Variants in LDLRAD3 observed in about 807,000 individuals in gnomAD.
The protein encoded by LDLRAD3 is low-density lipoprotein receptor class A domain-containing protein 3.
Under a neutral mutation model 29.4 loss-of-function variants are expected in LDLRAD3, and 20 were observed. The ratio of observed to expected loss-of-function variants is 0.68; its 90% confidence interval spans 0.48 to 0.99. The LOEUF (loss-of-function observed/expected upper bound fraction) is 0.99. Among genes scored for constraint, LDLRAD3 ranks in the 50% least tolerant of loss-of-function variants. The pLI is 0.00. For missense variants in LDLRAD3, 420 were observed against 454.3 expected, an observed-to-expected ratio of 0.92 and a Z score of 0.69; for synonymous variants, 157 against 192.7, an observed-to-expected ratio of 0.81 and a Z score of 1.53.
chr11:36,027,530 T>A (rs1209701045), intron 1 of LDLRAD3, among the ~76,000 whole-genome samples: 1 of 152,232 alleles, frequency 6.6e-6, no homozygotes, highest in Non-Finnish European at 1.5e-5. Flanking sequence ...CTCCTTTGAG[T>A]CTTATTTAAG....
chr11:36,048,177 A>T (rs771836719), intron 2 of LDLRAD3, among the ~76,000 whole-genome samples: 18 of 152,180 alleles, frequency 1.2e-4, no homozygotes, highest in Non-Finnish European at 2.5e-4. Context: ...CTCCTTTCTA[A>T]CAGGTGACAG....
At chr11:36,037,419 G>A (rs1412921121) in intron 2 of LDLRAD3, among the ~76,000 whole-genome samples, 2 of 152,114 alleles carry the variant, frequency 1.3e-5, no homozygotes, top group South Asian at 4.1e-4. Flanking sequence ...GGGTTCAAGC[G>A]ATTCTCCTGC....
At position 36,214,210 on chromosome 11, in the gene LDLRAD3, G is replaced by C. The variant is rs117139878; in HGVS notation, c.455-12875G>C. On this transcript the variant is annotated intron_variant, in intron 4 of 5. Transcript: ENST00000315571. ...AGAGGAGAGTGGGGAGAAAGTGGGG[G>C]TGAAGAGCTTTGACCTTCATGATGA... 9.3e-4 allele frequency among the ~76,000 whole-genome samples: 142 copies of C among 152,308 alleles called. 1 individual carries two copies. In the East Asian group the frequency reaches 0.025, roughly 27 times the overall value.
chr11:36,170,689 A>G (rs746551062), intron 4 of LDLRAD3, among the ~76,000 whole-genome samples: 39 of 152,026 alleles, frequency 2.6e-4, no homozygotes, highest in Non-Finnish European at 3.2e-4. Context: ...TGTTTTAATG[A>G]TGGCCATTCT....
At chr11:36,150,377 A>T (rs1854260439) in intron 4 of LDLRAD3, among the ~76,000 whole-genome samples, 1 of 152,116 alleles carries the variant, frequency 6.6e-6, no homozygotes, top group South Asian at 2.1e-4. Context: ...AAAAATTAAA[A>T]ATTAGCCAGG....
chr11:35,973,449 G>A (rs1450770320), intron 1 of LDLRAD3, among the ~76,000 whole-genome samples: 1 of 151,896 alleles, frequency 6.6e-6, no homozygotes, highest in Non-Finnish European at 1.5e-5. Context: ...GTTTGTAGGT[G>A]TTTTGTTTGT....
chr11:36,159,600 A>G (rs550347646), intron 4 of LDLRAD3, among the ~76,000 whole-genome samples: 215 of 100,242 alleles, frequency 2.1e-3, no homozygotes, highest in African/African-American at 8.2e-3. Context: ...CTTTACAGAA[A>G]CTAAAAAAAA....
rs937408839 is a variant in LDLRAD3, at chr11:36,231,025, G to A, written c.*1628G>A. On this transcript the variant is annotated 3_prime_UTR_variant, in exon 6 of 6. Transcript: ENST00000315571. The stretch of plus-strand genomic sequence containing the variant: ...GCAGGAATAAGGGGTAAAACGTTAG[G>A]TGTTGTTTGGCAAGAAACCACACTG... 3 of 152,568 alleles carry A rather than the reference G, an allele frequency of 2.0e-5. No homozygotes were observed. The highest frequency in any genetic ancestry group is 6.5e-5 in the Admixed American group (1 of 15,280). The allele number at this position is 152,568 out of a possible 1,614,324, so 9.5% of individuals were successfully genotyped here. A position where few individuals can be genotyped will look rare whatever the true frequency, so the allele number is the denominator to read the frequency against.
intron 4 of LDLRAD3, among the ~76,000 whole-genome samples, chr11:36,182,615 G>T (rs576762073): frequency 6.6e-6 from 1 of 152,318 alleles, no homozygotes; most frequent in Middle Eastern, 3.4e-3. Context: ...GCAGGCCTAG[G>T]AGATTTGCTC....
chr11:36,144,554 T>C (rs1383196881), intron 4 of LDLRAD3, among the ~76,000 whole-genome samples: 1 of 139,750 alleles, frequency 7.2e-6, no homozygotes, highest in Non-Finnish European at 1.6e-5. Context: ...CCGTCTGGGA[T>C]GTGAGGAGCG....
At chr11:36,030,155 G>T (rs536869001) in intron 1 of LDLRAD3, among the ~76,000 whole-genome samples, 1 of 152,200 alleles carries the variant, frequency 6.6e-6, no homozygotes, top group African/African-American at 2.4e-5. Context: ...GTGCTCAGGG[G>T]CTTAGACCCA....
intron 4 of LDLRAD3, among the ~76,000 whole-genome samples, chr11:36,145,815 G>C (rs1405431132): frequency 4.7e-5 from 7 of 150,438 alleles, no homozygotes; most frequent in Non-Finnish European, 8.9e-5. Flanking sequence ...CAGCATGCTG[G>C]TTAAGAGTCA....
intron 1 of LDLRAD3, chr11:35,988,808 C>T (rs1851651323): frequency 6.6e-6 from 1 of 151,874 alleles, no homozygotes; most frequent in African/African-American, 2.4e-5. Flanking sequence ...TGATCTCGGT[C>T]TCCTGACCTC....
chr11:35,991,656 C>T (rs927165723), intron 1 of LDLRAD3, among the ~76,000 whole-genome samples: 5 of 152,268 alleles, frequency 3.3e-5, no homozygotes, highest in East Asian at 1.9e-4. Context: ...GGAGTGGGCA[C>T]GGGGATGTTC....
rs774678796 is a variant in LDLRAD3 at position 36,174,843 on chromosome 11, G to A, written c.455-52242G>A. Among the ~76,000 whole-genome samples the A allele has an allele frequency of 1.1e-4, 16 of 152,116 alleles. 1 individual carries two copies. Among genetic ancestry groups the A allele is most frequent in the South Asian group, 1.0e-3 (5 of 4,824 alleles). On this transcript the variant is annotated intron_variant, in intron 4 of 5. Coordinates refer to ENST00000315571, the MANE Select transcript of LDLRAD3 (RefSeq NM_174902.4). Reference sequence around the variant, plus strand: ...AAAAATACAAAAAAATTAGCTGGGCGTGGTGGCAGGTGCCTGTAGTCCCAG... The same window carrying A: ...AAAAATACAAAAAAATTAGCTGGGCATGGTGGCAGGTGCCTGTAGTCCCAG...
At chr11:36,044,608 T>C (rs1265619176) in intron 2 of LDLRAD3, among the ~76,000 whole-genome samples, 1 of 152,190 alleles carries the variant, frequency 6.6e-6, no homozygotes, top group African/African-American at 2.4e-5. Context: ...TAGGCCAGTA[T>C]CTGCTTTTCA....
At chr11:36,128,666 T>A (rs1450629096) in intron 4 of LDLRAD3, among the ~76,000 whole-genome samples, 1 of 152,042 alleles carries the variant, frequency 6.6e-6, no homozygotes. Context: ...TTGGGCAACA[T>A]GGTGAAACCC....
intron 2 of LDLRAD3, among the ~76,000 whole-genome samples, chr11:36,042,970 C>T (rs902790835): frequency 1.3e-5 from 2 of 151,930 alleles, no homozygotes; most frequent in South Asian, 2.1e-4. Flanking sequence ...TATGGCAGCC[C>T]TAGCAAACTA....
chr11:35,995,304 AG>A (rs1181296899), intron 1 of LDLRAD3, among the ~76,000 whole-genome samples: 2 of 152,232 alleles, frequency 1.3e-5, no homozygotes, highest in African/African-American at 2.4e-5. Context: ...TCTCCAACAG[AG>A]CTTGTGGGTA....
Sources: allele counts gnomAD v4.1 joint callset (sites outside exome capture counted in the v4.1 genomes callset), GRCh38; gene constraint gnomAD v4.1.1; transcripts MANE v1.5; gene names NCBI Gene and HGNC (gene_info 2026-07-23, HGNC 2026-07-21).